The following STARD9 variants were observed in gnomAD, a reference collection of about 807,000 sequenced individuals.
STARD9 encodes StAR related lipid transfer domain containing 9, also known as stAR-related lipid transfer protein 9.
In STARD9, 346 loss-of-function variants were observed where a neutral mutation model predicts 399.8. The ratio of observed to expected loss-of-function variants is 0.87; its 90% CI spans 0.79 to 0.95. The LOEUF is 0.95. STARD9 is among the 40% of genes least tolerant of loss of function. The pLI is 0.00. For synonymous variants in STARD9, 2,203 were observed against 2,143.5 expected (o/e 1.03, Z -0.77); for missense variants, 5,832 against 5,667.5 (o/e 1.03, Z -0.93).
rs1197717804 is a variant in STARD9 at position 42,692,407 on chromosome 15, G to A, written c.10829G>A (p.Ser3610Asn). Residue 3610 changes from serine (S) to asparagine (N), a missense_variant, in exon 23 of 33, where the codon AGT becomes AAT. By Grantham distance (46) the Ser-to-Asn change is conservative (BLOSUM62 1). Transcript: ENST00000290607. ...AGTAAGCCCCCCTTGGCCAAAGGAA[G>A]TGCTGCAGGTCCAGTGGATGAGATT... ...LRSKPPLAKG[S>N]AAGPVDEIML... The A allele has an allele frequency of 7.2e-6, 11 of 1,536,938 alleles. No individual in the cohort carries two copies. Among genetic ancestry groups the A allele is most frequent in the Non-Finnish European group, 9.6e-6 (11 of 1,146,922 alleles).
chr15:42,685,061 C>T lies in STARD9; in HGVS notation c.3483C>T (p.Asn1161=). The T allele has an allele frequency of 6.5e-7, 1 of 1,537,204 alleles. No homozygotes were observed. Among genetic ancestry groups the T allele is most frequent in the South Asian group, 1.2e-5 (1 of 84,064 alleles). Reference sequence around the variant, plus strand: ...AGAAGAGGTACCAAAGCCCCAAAAACAGGCTAGGGGGCAATCGTCCCACCA... The same window carrying T: ...AGAAGAGGTACCAAAGCCCCAAAAATAGGCTAGGGGGCAATCGTCCCACCA... ...LAEKRYQSPK[N]RLGGNRPTNN... is the part of the protein sequence containing the mutation. The change falls in exon 23 of 33, where the codon AAC becomes AAT. Residue 1161 remains asparagine, a synonymous_variant. Coordinates refer to ENST00000290607, the MANE Select transcript of STARD9 (RefSeq NM_020759.3).
chr15:42,676,502 T>C (rs751247304), intron 20 of STARD9, among the ~76,000 whole-genome samples: 5 of 152,194 alleles, frequency 3.3e-5, no homozygotes, highest in African/African-American at 1.2e-4. Context: ...GGGCAGAAAC[T>C]ATAGGAACAA....
chr15:42,699,392 C>CTTTTTCTTTTTTTT (rs2060912049), intron 26 of STARD9, among the ~76,000 whole-genome samples: 2 of 113,280 alleles, frequency 1.8e-5, no homozygotes, highest in African/African-American at 4.1e-5. Context: ...TTTTTCTTTT[C>CTTTTTCTTTTTTTT]TTTTTTTTTT....
rs190506071 is a variant in STARD9 at position 42,717,160 on chromosome 15, G to A, written c.13494+112G>A. ...GGCAGATGAGGAGCCCAAGGCTTGTGGGCATCTTCAGTGGTTCTTCATCTT... is the reference window on the plus strand; with the variant it reads ...GGCAGATGAGGAGCCCAAGGCTTGTAGGCATCTTCAGTGGTTCTTCATCTT... On this transcript the variant is annotated intron_variant, in intron 28 of 32. Transcript: ENST00000290607. 42 of 1,211,472 alleles carry A rather than the reference G, an allele frequency of 3.5e-5. No homozygotes were observed. The East Asian group carries it at 8.5e-4, about 25-fold the overall frequency. The allele number at this position is 1,211,472 out of a possible 1,614,324, so 75.0% of individuals were successfully genotyped here.
Position 42,689,169 on chromosome 15 carries a change from G to C in STARD9, c.7591G>C (p.Val2531Leu). The change falls in exon 23 of 33, where the codon GTG (valine) becomes CTG (leucine). Residue 2531 changes from valine (V) to leucine (L), a missense_variant. Val to Leu is a conservative substitution (Grantham distance 32). Coordinates refer to ENST00000290607, the MANE Select transcript of STARD9 (RefSeq NM_020759.3). ...CTTAGCACCTGTTTCCCTGCCGAGG[G>C]TGCCCAGTCCAGAGCCTAGGCTGTT... is the stretch of plus-strand genomic sequence containing the variant. ...VSLAPVSLPR[V>L]PSPEPRLLEP... The C allele has an allele frequency of 6.5e-7, 1 of 1,537,260 alleles. No individual in the cohort carries two copies. The highest frequency in any genetic ancestry group is 8.7e-7 in the Non-Finnish European group (1 of 1,146,914).
rs148614150 is a variant in STARD9 at position 42,680,866 on chromosome 15, C to T, written c.1875-556C>T. On this transcript the variant is annotated intron_variant, in intron 20 of 32. Coordinates refer to ENST00000290607, the MANE Select transcript of STARD9 (RefSeq NM_020759.3). ...CTGAAAACAGCTCTGGAGTGGAGAC[C>T]AGCTCTCCTTTGGGTCACACACACA... is the stretch of plus-strand genomic sequence containing the variant. Among the ~76,000 whole-genome samples the T allele has an allele frequency of 2.2e-3, 339 of 152,098 alleles. 2 individuals are homozygous for T. The highest frequency in any genetic ancestry group is 7.7e-3 in the African/African-American group (318 of 41,482).
Position 42,693,506 on chromosome 15 carries a change from C to T in STARD9, c.11928C>T (p.Phe3976=). The T allele has an allele frequency of 6.5e-7, 1 of 1,537,248 alleles. No homozygotes were observed. The highest frequency in any genetic ancestry group is 8.7e-7 in the Non-Finnish European group (1 of 1,146,908). ...SSLQRSNGRS[F]LELHSPHSPQ... ...TACAAAGGAGTAATGGGAGATCCTTCCTTGAGTTGCACTCCCCACACAGCC... is the reference window on the plus strand; with the variant it reads ...TACAAAGGAGTAATGGGAGATCCTTTCTTGAGTTGCACTCCCCACACAGCC... The change falls in exon 23 of 33, where the codon TTC becomes TTT. Residue 3976 remains phenylalanine, a synonymous_variant. Transcript: ENST00000290607.
In STARD9 at chr15:42,663,774, G is replaced by T; in HGVS notation, c.1079-46G>T. ...TAACAAGGCAAGTGATTAAGAGCTG[G>T]GATGGATGGGCTGGCATGTTTTTAA... On this transcript the variant is annotated intron_variant, in intron 12 of 32. Coordinates refer to ENST00000290607, the MANE Select transcript of STARD9 (RefSeq NM_020759.3). 4 of 1,354,952 alleles carry T rather than the reference G, an allele frequency of 3.0e-6. No homozygotes were observed. In the South Asian group the frequency reaches 5.0e-5, roughly 17 times the overall value. 83.9% of individuals were successfully genotyped at this position (1,354,952 alleles called of 1,614,324 possible). A position where few individuals can be genotyped will look rare whatever the true frequency, so the allele number is the denominator to read the frequency against.
chr15:42,626,270 C>CTCCTCCTCT (rs1445908821), intron 3 of STARD9, among the ~76,000 whole-genome samples: 5 of 147,004 alleles, frequency 3.4e-5, no homozygotes, highest in African/African-American at 5.1e-5. Flanking sequence ...CTTCCTCTTC[C>CTCCTCCTCT]TCCTCCTCTT....
intron 3 of STARD9, among the ~76,000 whole-genome samples, chr15:42,615,639 A>T (rs2058947812): frequency 6.6e-6 from 1 of 151,706 alleles, no homozygotes; most frequent in Admixed American, 6.6e-5. Flanking sequence ...ACAAGAAAGG[A>T]TGCCTGATGT....
In STARD9 at chr15:42,575,616, G is replaced by GGGGC. The variant is rs2058035298; in HGVS notation, c.-92_-89dup. 7.5e-7 allele frequency: 1 copy of GGGGC among 1,330,634 alleles called. No homozygotes were observed. The highest frequency in any genetic ancestry group is 1.0e-6 in the Non-Finnish European group (1 of 978,334). The allele number at this position is 1,330,634 out of a possible 1,614,324, so 82.4% of individuals were successfully genotyped here. On this transcript the variant is annotated 5_prime_UTR_variant, in exon 1 of 33. Coordinates refer to ENST00000290607, the MANE Select transcript of STARD9 (RefSeq NM_020759.3). The stretch of plus-strand genomic sequence containing the variant: ...CGCGGCGGCGTCCCCAGAGGCGCGT[G>GGGGC]GGGCGGGCGGGGCTGGGTTGGGGCT...
intron 9 of STARD9, among the ~76,000 whole-genome samples, chr15:42,657,627 T>C (rs981246218): frequency 6.6e-5 from 10 of 152,180 alleles, no homozygotes; most frequent in African/African-American, 2.4e-4. Flanking sequence ...TTGAGCAACA[T>C]TATCAAACTA....
chr15:42,653,679 A>G (rs1345943337), intron 9 of STARD9, among the ~76,000 whole-genome samples: 2 of 152,220 alleles, frequency 1.3e-5, no homozygotes, highest in African/African-American at 4.8e-5. Context: ...AGTAGAATTT[A>G]TTGCCAGCAG....
In STARD9 at chr15:42,681,463, C is replaced by T. The variant is rs1460236942; in HGVS notation, c.1916C>T (p.Pro639Leu). 1.3e-4 allele frequency: 206 copies of T among 1,536,958 alleles called. No homozygotes were observed. Among genetic ancestry groups the T allele is most frequent in the Non-Finnish European group, 1.8e-4 (201 of 1,146,884 alleles). ...CAATGTGACGAGGACCATCAGACAC[C>T]GAGGGATGGAGAGACATCCCACAGG... ...EEQCDEDHQT[P>L]RDGETSHRAQ... is the part of the protein sequence containing the mutation. Residue 639 changes from proline to leucine, a missense_variant, in exon 21 of 33, where the codon CCG becomes CTG. Physicochemically the swap from Pro to Leu is moderately conservative, Grantham distance 98. Coordinates refer to ENST00000290607, the MANE Select transcript of STARD9 (RefSeq NM_020759.3).
intron 3 of STARD9, among the ~76,000 whole-genome samples, chr15:42,613,008 A>ATT (rs1202303329): frequency 1.3e-5 from 2 of 150,672 alleles, no homozygotes; most frequent in African/African-American, 4.9e-5. Context: ...AAAAAAAAAA[A>ATT]AAGAGCAACA....
At chr15:42,648,223 C>T (rs939394203) in intron 7 of STARD9, among the ~76,000 whole-genome samples, 3 of 152,076 alleles carry the variant, frequency 2.0e-5, no homozygotes, top group Admixed American at 6.6e-5. Context: ...AGTGCAGTGG[C>T]GCGATCTCGG....
In STARD9 at chr15:42,690,856, A is replaced by C; in HGVS notation, c.9278A>C (p.Gln3093Pro). The C allele has an allele frequency of 6.5e-7, 1 of 1,537,222 alleles. No homozygotes were observed. Among genetic ancestry groups the C allele is most frequent in the Non-Finnish European group, 8.7e-7 (1 of 1,146,904 alleles). The change falls in exon 23 of 33, where the codon CAA becomes CCA. Residue 3093 changes from glutamine to proline, a missense_variant. Gln to Pro is a moderately conservative substitution (Grantham distance 76). This residue lies in a region of STARD9 where 5,828 missense variants were observed against 5,651.1 expected (regional missense o/e 1.03). Coordinates refer to ENST00000290607, the MANE Select transcript of STARD9 (RefSeq NM_020759.3). The stretch of plus-strand genomic sequence containing the variant: ...CCTGAGAAAAAGGTTGCTGAGAAGC[A>C]AGCAAGCACAGAACTTGAGGCTGCC... ...GVPEKKVAEK[Q>P]ASTELEAASF...
At chr15:42,619,615 G>A (rs2059044916) in intron 3 of STARD9, among the ~76,000 whole-genome samples, 1 of 152,086 alleles carries the variant, frequency 6.6e-6, no homozygotes, top group African/African-American at 2.4e-5. Flanking sequence ...CACCTGTGCA[G>A]TTTAATAGGG....
intron 12 of STARD9, 106 bp from the exon 13 acceptor site, chr15:42,663,714 A>G (rs949725322): frequency 4.5e-5 from 43 of 952,648 alleles, no homozygotes; most frequent in African/African-American, 4.1e-4. Context: ...TAGGTTTCTC[A>G]TTTCATCAGG....
Sources: gnomAD v4.1 joint callset for allele counts (sites outside exome capture counted in the v4.1 genomes callset) on GRCh38, gnomAD v4.1.1 for gene constraint, gnomAD v4.1.1 regional missense constraint, MANE v1.5 for transcripts, NCBI Gene and HGNC (gene_info 2026-07-23, HGNC 2026-07-21) for gene names.